The following GABRB1 variants were observed in gnomAD, a reference collection of about 807,000 sequenced individuals.
The protein encoded by GABRB1 is gamma-aminobutyric acid type A receptor subunit beta1, also known as gamma-aminobutyric acid receptor subunit beta-1.
Under a neutral mutation model 51.6 loss-of-function variants are expected in GABRB1, and 17 were observed. That is an observed-to-expected ratio of 0.33 (90% CI 0.23 to 0.49). The LOEUF (loss-of-function observed/expected upper bound fraction) is 0.49. Ranked by LOEUF, GABRB1 falls within the 20% of genes least tolerant of loss-of-function variation. The pLI, the probability that GABRB1 is intolerant of heterozygous loss-of-function variation, is 0.99. For synonymous variants in GABRB1, 247 were observed against 218.9 expected, an observed-to-expected ratio of 1.13 and a Z score of -1.14; for missense variants, 410 against 600.6, an observed-to-expected ratio of 0.68 and a Z score of 3.32.
intron 4 of GABRB1, among the ~76,000 whole-genome samples, chr4:47,214,503 T>C (rs1720479929): frequency 6.6e-6 from 1 of 152,336 alleles, no homozygotes; most frequent in South Asian, 2.1e-4. Context: ...CTTGTGACTT[T>C]GTAGGGCTTA....
chr4:47,125,542 A>G (rs1323253100), intron 3 of GABRB1, among the ~76,000 whole-genome samples: 4 of 145,736 alleles, frequency 2.7e-5, no homozygotes, highest in Admixed American at 7.1e-5. Flanking sequence ...ATCTCTAGAC[A>G]CAACAAAGTA....
At chr4:47,218,756 A>G (rs1168194053) in intron 4 of GABRB1, among the ~76,000 whole-genome samples, 2 of 151,758 alleles carry the variant, frequency 1.3e-5, no homozygotes, top group Non-Finnish European at 3.0e-5. Flanking sequence ...TCCAAGGCTT[A>G]TTGTGTTAAG....
chr4:47,205,546 C>T (rs1720080679), intron 4 of GABRB1, among the ~76,000 whole-genome samples: 1 of 152,008 alleles, frequency 6.6e-6, no homozygotes. Context: ...GTTTATGTGA[C>T]TGTATGTTCT....
chr4:47,424,406 A>G (rs1729196058), intron 8 of GABRB1, among the ~76,000 whole-genome samples: 1 of 152,226 alleles, frequency 6.6e-6, no homozygotes, highest in South Asian at 2.1e-4. Context: ...AATGCTACTC[A>G]TGATGGGAAC....
chr4:47,001,375 C>G (rs1328897760), intron 1 of GABRB1, among the ~76,000 whole-genome samples: 2 of 152,134 alleles, frequency 1.3e-5, no homozygotes, highest in Non-Finnish European at 2.9e-5. Context: ...ATCTCCTGAC[C>G]TCGTGATTCT....
intron 4 of GABRB1, among the ~76,000 whole-genome samples, chr4:47,311,627 C>A (rs1402098080): frequency 6.6e-6 from 1 of 152,064 alleles, no homozygotes; most frequent in African/African-American, 2.4e-5. Context: ...AGGAACACAG[C>A]CCTGCTAACA....
intron 3 of GABRB1, among the ~76,000 whole-genome samples, chr4:47,112,000 C>T (rs1006323684): frequency 7.2e-5 from 10 of 138,770 alleles, no homozygotes; most frequent in Non-Finnish European, 1.5e-4. Flanking sequence ...GACGGAATCT[C>T]GTTCTGTCAC....
intron 3 of GABRB1, among the ~76,000 whole-genome samples, chr4:47,070,466 G>A (rs2109544235): frequency 6.6e-6 from 1 of 152,190 alleles, no homozygotes; most frequent in South Asian, 2.1e-4. Flanking sequence ...CAAGTAGCTG[G>A]GATTACAGGC....
chr4:47,299,152 G>T (rs1413042489), intron 4 of GABRB1, among the ~76,000 whole-genome samples: 1 of 152,172 alleles, frequency 6.6e-6, no homozygotes, highest in South Asian at 2.1e-4. Flanking sequence ...GAAAACCTAG[G>T]TATTACCATT....
intron 4 of GABRB1, among the ~76,000 whole-genome samples, chr4:47,237,130 T>G (rs553701452): frequency 6.6e-6 from 1 of 151,896 alleles, no homozygotes; most frequent in East Asian, 1.9e-4. Context: ...AACAAGAAAA[T>G]AAAATGAAAA....
At chr4:47,077,104 GCCCCC>G (rs1727589724) in intron 3 of GABRB1, among the ~76,000 whole-genome samples, 1 of 152,052 alleles carries the variant, frequency 6.6e-6, no homozygotes. Flanking sequence ...TTTACTGCAT[GCCCCC>G]AGCAAACTTT....
intron 3 of GABRB1, among the ~76,000 whole-genome samples, chr4:47,109,955 T>C (rs944336074): frequency 1.3e-5 from 2 of 151,990 alleles, no homozygotes; most frequent in Admixed American, 1.3e-4. Context: ...TTCAACATTG[T>C]AGTGGAAGAA....
At chr4:47,269,160 T>G (rs1397457143) in intron 4 of GABRB1, among the ~76,000 whole-genome samples, 3 of 152,178 alleles carry the variant, frequency 2.0e-5, no homozygotes, top group African/African-American at 7.2e-5. Flanking sequence ...ATCAGTCAAT[T>G]TGTTACTTTT....
chr4:47,239,795 T>C (rs1224255581), intron 4 of GABRB1, among the ~76,000 whole-genome samples: 1 of 152,228 alleles, frequency 6.6e-6, no homozygotes, highest in Non-Finnish European at 1.5e-5. Flanking sequence ...AGTGGATGGA[T>C]GCAGTCGTGG....
In GABRB1 at chr4:47,420,250, C is replaced by A. The variant is rs1729052354; in HGVS notation, c.1081-5424C>A. Among the ~76,000 whole-genome samples the A allele has an allele frequency of 2.0e-5, 3 of 152,284 alleles. No individual in the cohort carries two copies. In the South Asian group the frequency reaches 6.2e-4, roughly 32 times the overall value. On this transcript the variant is annotated intron_variant, in intron 8 of 8. Transcript: ENST00000295454. ...GAAGGCACGGAGCCTAGAATGCCTGCTTCCTTCTTCTAAATATACCTACCA... is the reference window on the plus strand; with the variant it reads ...GAAGGCACGGAGCCTAGAATGCCTGATTCCTTCTTCTAAATATACCTACCA...
chr4:46,994,307 G>A (rs529844088), intron 1 of GABRB1: 2 of 152,144 alleles, frequency 1.3e-5, no homozygotes, highest in Non-Finnish European at 2.9e-5. Context: ...CTGGAGAGGA[G>A]GGGAGAGGTG....
chr4:47,086,184 T>C (rs1457112607), intron 3 of GABRB1, among the ~76,000 whole-genome samples: 2 of 152,154 alleles, frequency 1.3e-5, no homozygotes, highest in Admixed American at 1.3e-4. Flanking sequence ...ATTCAGAAAA[T>C]AGTATGGAGA....
At chr4:47,120,439 CTG>C (rs1715726455) in intron 3 of GABRB1, among the ~76,000 whole-genome samples, 1 of 152,184 alleles carries the variant, frequency 6.6e-6, no homozygotes, top group Non-Finnish European at 1.5e-5. Context: ...ACTGGGGACT[CTG>C]AGAGCCTGCC....
intron 4 of GABRB1, among the ~76,000 whole-genome samples, chr4:47,207,849 T>C (rs1720197694): frequency 6.6e-6 from 1 of 152,048 alleles, no homozygotes; most frequent in South Asian, 2.1e-4. Flanking sequence ...ATATATTTGA[T>C]CTAGAAAAGC....
Sources: allele counts gnomAD v4.1 joint callset (sites outside exome capture counted in the v4.1 genomes callset), GRCh38; gene constraint gnomAD v4.1.1; transcripts MANE v1.5; gene names NCBI Gene and HGNC (gene_info 2026-07-23, HGNC 2026-07-21).